CDC40: variants seen among roughly 807,000 people sequenced by gnomAD.
The protein encoded by CDC40 is cell division cycle 40.
CDC40 carries 27 observed loss-of-function variants against 80.6 expected under a neutral mutation model. The ratio of observed to expected loss-of-function variants is 0.33; its 90% confidence interval spans 0.25 to 0.46. The LOEUF is 0.46. CDC40 is among the 20% of genes least tolerant of loss of function. The pLI, the probability that CDC40 is intolerant of heterozygous loss-of-function variation, is 1.00. For missense variants in CDC40, 486 were observed against 694.1 expected, an observed-to-expected ratio of 0.70 and a Z score of 3.37; for synonymous variants, 221 against 232.6, an observed-to-expected ratio of 0.95 and a Z score of 0.45.
intron 2 of CDC40, chr6:110,198,886 G>C (rs933934079): frequency 6.6e-6 from 1 of 152,204 alleles, no homozygotes; most frequent in East Asian, 1.9e-4. Context: ...GTGTTCTGTT[G>C]TATTTTTTTA....
In CDC40 at chr6:110,230,162, T is replaced by G; in HGVS notation, c.*31T>G. On this transcript the variant is annotated 3_prime_UTR_variant, in exon 15 of 15. Coordinates refer to ENST00000307731, the MANE Select transcript of CDC40 (RefSeq NM_015891.3). ...TTAATCCTTAAACTAGCTGGGATCATTTTTGATCCATTGTCATATTTATAT... is the reference window on the plus strand; with the variant it reads ...TTAATCCTTAAACTAGCTGGGATCAGTTTTGATCCATTGTCATATTTATAT... 5 of 1,348,412 alleles carry G rather than the reference T, an allele frequency of 3.7e-6. No individual in the cohort carries two copies. The highest frequency in any genetic ancestry group is 5.3e-6 in the Non-Finnish European group (5 of 950,214). The allele number at this position is 1,348,412 out of a possible 1,614,324, so 83.5% of individuals were successfully genotyped here. A position where few individuals can be genotyped will look rare whatever the true frequency, so the allele number is the denominator to read the frequency against.
intron 2 of CDC40, among the ~76,000 whole-genome samples, chr6:110,201,219 A>G (rs1584069219): frequency 6.6e-6 from 1 of 152,220 alleles, no homozygotes; most frequent in South Asian, 2.1e-4. Context: ...TGGGGAAACT[A>G]TAGTAACTCT....
rs1191129702 is a variant in CDC40 at position 110,225,580 on chromosome 6, A to G, written c.1341-587A>G. 3.3e-5 allele frequency among the ~76,000 whole-genome samples: 5 copies of G among 152,194 alleles called. No homozygotes were observed. In the East Asian group the frequency reaches 9.7e-4, roughly 29 times the overall value. ...TTATCATCATTTCTGGATGGGCTAG[A>G]TCAGCTCACAGATCCCTACAGCTTT... On this transcript the variant is annotated intron_variant, in intron 12 of 14. Coordinates refer to ENST00000307731, the MANE Select transcript of CDC40 (RefSeq NM_015891.3).
chr6:110,196,328 T>C (rs1777418776), intron 2 of CDC40, among the ~76,000 whole-genome samples: 1 of 152,220 alleles, frequency 6.6e-6, no homozygotes, highest in South Asian at 2.1e-4. Flanking sequence ...TAAAATATTG[T>C]TTCTCTCTTC....
intron 10 of CDC40, 45 bp from the exon 11 acceptor site, chr6:110,219,319 T>TG (rs1777738053): frequency 2.3e-6 from 2 of 871,576 alleles, no homozygotes; most frequent in African/African-American, 3.4e-5. Flanking sequence ...CATCTTTAAG[T>TG]GGTCAAATTT....
chr6:110,207,474 G>A (rs1777580588), intron 3 of CDC40, 32 bp from the exon 4 acceptor site: 3 of 1,037,536 alleles, frequency 2.9e-6, no homozygotes, highest in African/African-American at 1.6e-5. Context: ...ACAGCAAAAT[G>A]GAGTTAATAA....
intron 12 of CDC40, among the ~76,000 whole-genome samples, chr6:110,220,953 G>T (rs1777768548): frequency 6.6e-6 from 1 of 152,032 alleles, no homozygotes; most frequent in African/African-American, 2.4e-5. Flanking sequence ...ATAAGATTTG[G>T]GATGGGACAC....
chr6:110,219,710 T>C (rs1777744068), intron 11 of CDC40, 26 bp from the exon 12 acceptor site: 2 of 1,611,488 alleles, frequency 1.2e-6, no homozygotes, highest in Non-Finnish European at 1.7e-6. Context: ...CTTCTGTCTT[T>C]ACCTTTTTTC....
rs960265724 is a variant in CDC40 at position 110,219,372 on chromosome 6, A to G, written c.1099A>G (p.Ile367Val). Residue 367 changes from isoleucine to valine, a missense_variant, in exon 11 of 15, where the codon ATA (isoleucine) becomes GTA (valine). This residue lies in a region of CDC40 where 381 missense variants were observed against 492.1 expected (regional missense o/e 0.77). Transcript: ENST00000307731. ...KLWDTETGQCISRFTNRKVPY... is the reference protein window; with the variant it reads ...KLWDTETGQCVSRFTNRKVPY... ...TGAGTCTTTGGTTTTAGGACAGTGTATATCAAGATTTACAAACCGAAAAGT... is the reference window on the plus strand; with the variant it reads ...TGAGTCTTTGGTTTTAGGACAGTGTGTATCAAGATTTACAAACCGAAAAGT... The G allele has an allele frequency of 1.3e-5, 19 of 1,483,582 alleles. No individual in the cohort carries two copies. The highest frequency in any genetic ancestry group is 1.6e-5 in the Non-Finnish European group (17 of 1,062,668). 91.9% of individuals were successfully genotyped at this position (1,483,582 alleles called of 1,614,324 possible).
rs191471585 is a variant in CDC40, at chr6:110,187,420, A to G, written c.190-5762A>G. On this transcript the variant is annotated intron_variant, in intron 1 of 14. Transcript: ENST00000307731. The stretch of plus-strand genomic sequence containing the variant: ...AAAATTCTGCCTCTAATTTTGAGGC[A>G]TATTTTTCAGTTTTTTCATGTGTGG... Among the ~76,000 whole-genome samples the G allele has an allele frequency of 2.7e-3, 416 of 152,326 alleles. 3 individuals carry two copies. The highest frequency in any genetic ancestry group is 4.6e-3 in the Non-Finnish European group (314 of 68,024).
intron 2 of CDC40, among the ~76,000 whole-genome samples, chr6:110,197,642 A>G (rs1777435813): frequency 8.4e-6 from 1 of 119,108 alleles, no homozygotes; most frequent in Admixed American, 1.3e-4. Flanking sequence ...CTCTGCTTCT[A>G]TGAGGTCAAC....
intron 3 of CDC40, among the ~76,000 whole-genome samples, 170 bp downstream of exon 3, chr6:110,201,857 C>G (rs1423230997): frequency 6.6e-6 from 1 of 152,090 alleles, no homozygotes; most frequent in African/African-American, 2.4e-5. Context: ...GGAAGGTGAA[C>G]TCATATTTTT....
chr6:110,215,230 T>C (rs1325975841), intron 8 of CDC40, 56 bp from the exon 9 acceptor site: 1 of 1,404,482 alleles, frequency 7.1e-7, no homozygotes, highest in African/African-American at 1.4e-5. Flanking sequence ...TTGTTATTAA[T>C]TGAAGGACCT....
At chr6:110,218,172 T>C (rs1159001745) in intron 10 of CDC40, among the ~76,000 whole-genome samples, 12 of 152,220 alleles carry the variant, frequency 7.9e-5, no homozygotes, top group Non-Finnish European at 1.8e-4. Flanking sequence ...TTGCGCAAAT[T>C]GATTAAAATG....
chr6:110,223,460 G>C (rs946833040), intron 12 of CDC40, among the ~76,000 whole-genome samples: 5 of 149,738 alleles, frequency 3.3e-5, no homozygotes, highest in African/African-American at 1.2e-4. Context: ...CTGCTACAAA[G>C]ATAAATAGGA....
chr6:110,228,565 A>G (rs963239791), intron 13 of CDC40, among the ~76,000 whole-genome samples: 1 of 151,974 alleles, frequency 6.6e-6, no homozygotes, highest in African/African-American at 2.4e-5. Context: ...TGGAATTTCT[A>G]TATTTCCTTA....
chr6:110,204,572 A>C (rs1030593855), intron 3 of CDC40, among the ~76,000 whole-genome samples: 1 of 152,126 alleles, frequency 6.6e-6, no homozygotes, highest in Non-Finnish European at 1.5e-5. Flanking sequence ...TGTGTTTTAA[A>C]AGCTTTTGGT....
chr6:110,183,273 A>T (rs553894155), intron 1 of CDC40, among the ~76,000 whole-genome samples: 27 of 152,288 alleles, frequency 1.8e-4, no homozygotes, highest in African/African-American at 6.5e-4. Context: ...TGTTGTATCC[A>T]TTCGTTTGTG....
In CDC40 at chr6:110,180,454, G is replaced by A. The variant is rs1777162928; in HGVS notation, c.10G>A (p.Ala4Thr). Residue 4 changes from alanine (A) to threonine (T), a missense_variant, in exon 1 of 15, where the codon GCG becomes ACG. Transcript: ENST00000307731. The stretch of plus-strand genomic sequence containing the variant: ...AAGATTTGTTGCCGTCATGTCGGCT[G>A]CGATTGCAGCTCTGGCCGCTTCCTA... MSAAIAALAASYGS... is the reference protein window; with the variant it reads MSATIAALAASYGS... The A allele has an allele frequency of 6.2e-7, 1 of 1,614,026 alleles. No homozygotes were observed. Among genetic ancestry groups the A allele is most frequent in the African/African-American group, 1.3e-5 (1 of 74,946 alleles).
Sources: gnomAD v4.1 joint callset for allele counts (sites outside exome capture counted in the v4.1 genomes callset) on GRCh38, gnomAD v4.1.1 for gene constraint, gnomAD v4.1.1 regional missense constraint, MANE v1.5 for transcripts, NCBI Gene and HGNC (gene_info 2026-07-23, HGNC 2026-07-21) for gene names.